The following MTX2 variants were observed in gnomAD, a reference collection of about 807,000 sequenced individuals.
MTX2 encodes the protein metaxin-2.
In MTX2, 35 loss-of-function variants were observed where a neutral mutation model predicts 42.3. The ratio of observed to expected loss-of-function variants is 0.83; its 90% confidence interval spans 0.63 to 1.10. The LOEUF (loss-of-function observed/expected upper bound fraction) is 1.10, where lower values mean the gene tolerates loss of function less well. Among genes scored for constraint, MTX2 ranks in the 50% least tolerant of loss-of-function variants. The pLI is 0.00. For synonymous variants in MTX2, 119 were observed against 100.9 expected, an observed-to-expected ratio of 1.18 and a Z score of -1.08; for missense variants, 307 against 304.1, an observed-to-expected ratio of 1.01 and a Z score of -0.07.
At chr2:176,325,171 G>T (rs1400657085) in intron 4 of MTX2, among the ~76,000 whole-genome samples, 2 of 151,716 alleles carry the variant, frequency 1.3e-5, no homozygotes, top group African/African-American at 4.8e-5. Context: ...TGCATTCTTT[G>T]AATCTGCCAA....
chr2:176,304,757 G>A (rs532816751), intron 3 of MTX2, among the ~76,000 whole-genome samples: 93 of 152,058 alleles, frequency 6.1e-4, no homozygotes, highest in Non-Finnish European at 1.2e-3. Context: ...GCGAGTAGTC[G>A]TTAGTGAATT....
Position 176,282,126 on chromosome 2 carries a change from G to GTTTTTTTTGTTTTT in MTX2, c.40+12465_40+12466insGTTTTTTTTTTTTT, listed in dbSNP as rs767511650. Among the ~76,000 whole-genome samples, 70 of 26,424 alleles carry GTTTTTTTTGTTTTT rather than the reference G, an allele frequency of 2.6e-3. 6 individuals are homozygous for GTTTTTTTTGTTTTT. Among genetic ancestry groups the GTTTTTTTTGTTTTT allele is most frequent in the African/African-American group, 9.2e-3 (56 of 6,114 alleles). The allele number at this position is 26,424 out of a possible 152,430, so 17.3% of individuals were successfully genotyped here. On this transcript the variant is annotated intron_variant, in intron 1 of 9. Coordinates refer to ENST00000249442, the MANE Select transcript of MTX2 (RefSeq NM_006554.5). ...TGATATTATTTTTAGAGTTACAGTA[G>GTTTTTTTTGTTTTT]TTTTTTTTTTTTTTTTTTTTTTTTT... is the stretch of plus-strand genomic sequence containing the variant.
chr2:176,333,850 A>T (rs1575064691), intron 9 of MTX2, among the ~76,000 whole-genome samples: 1 of 151,740 alleles, frequency 6.6e-6, no homozygotes, highest in African/African-American at 2.4e-5. Flanking sequence ...TTTGTAGCCT[A>T]TTAGCAATAG....
intron 5 of MTX2, 80 bp from the exon 6 acceptor site, chr2:176,328,213 C>A: frequency 3.7e-6 from 3 of 806,922 alleles, no homozygotes; most frequent in Non-Finnish European, 5.6e-6. Flanking sequence ...TTGCATGTTA[C>A]GTTATTTGTT....
At chr2:176,289,008 T>C (rs543797128) in intron 1 of MTX2, among the ~76,000 whole-genome samples, 3 of 152,224 alleles carry the variant, frequency 2.0e-5, no homozygotes, top group Admixed American at 1.3e-4. Context: ...AAGAGAATAC[T>C]ACAAGTAATA....
At chr2:176,327,091 CTA>C (rs138606558) in intron 5 of MTX2, among the ~76,000 whole-genome samples, 190 bp downstream of exon 5, 64,131 of 150,646 alleles carry the variant, frequency 0.43, 14,372 homozygotes, top group Admixed American at 0.56. Flanking sequence ...TTTTTTTCCT[CTA>C]TTAATGTCAA....
intron 1 of MTX2, among the ~76,000 whole-genome samples, chr2:176,280,785 T>G (rs1199671387): frequency 6.6e-6 from 1 of 152,174 alleles, no homozygotes; most frequent in African/African-American, 2.4e-5. Flanking sequence ...TGTTATAGAT[T>G]AAAATTTCCA....
chr2:176,283,536 T>G (rs1473640069), intron 1 of MTX2, among the ~76,000 whole-genome samples: 1 of 152,164 alleles, frequency 6.6e-6, no homozygotes, highest in African/African-American at 2.4e-5. Flanking sequence ...AGATTCTCTG[T>G]GGGGGATAAT....
chr2:176,280,180 G>A (rs1369448542), intron 1 of MTX2, among the ~76,000 whole-genome samples: 6 of 152,092 alleles, frequency 3.9e-5, no homozygotes, highest in African/African-American at 1.4e-4. Flanking sequence ...AGGGTGATGT[G>A]GTCAGCAAAT....
intron 1 of MTX2, among the ~76,000 whole-genome samples, chr2:176,280,199 T>C (rs1344296074): frequency 6.6e-6 from 1 of 152,224 alleles, no homozygotes; most frequent in Middle Eastern, 3.4e-3. Flanking sequence ...ATTGGAGATA[T>C]AGTGAGATTT....
rs1558919604 is a variant in MTX2, at chr2:176,269,591, TG to T, written c.-33del. 16 of 1,560,224 alleles carry T rather than the reference TG, an allele frequency of 1.0e-5. No individual in the cohort carries two copies. Among genetic ancestry groups the T allele is most frequent in the East Asian group, 2.4e-5 (1 of 42,308 alleles). On this transcript the variant is annotated 5_prime_UTR_variant, in exon 1 of 10. Transcript: ENST00000249442. Reference sequence around the variant, plus strand: ...TTGCGGTGGAGGACGCTGAGGCCCGTGGGGGGCAGGCACCCGGGCGCCGGGC... The same window carrying T: ...TTGCGGTGGAGGACGCTGAGGCCCGTGGGGGCAGGCACCCGGGCGCCGGGC...
chr2:176,274,937 C>T (rs986789655), intron 1 of MTX2, among the ~76,000 whole-genome samples: 4 of 152,166 alleles, frequency 2.6e-5, no homozygotes, highest in African/African-American at 7.2e-5. Flanking sequence ...CTTCCCAACA[C>T]CTGGCGGAGA....
intron 2 of MTX2, 122 bp downstream of exon 2, chr2:176,297,029 A>G (rs774892840): frequency 3.8e-5 from 42 of 1,106,688 alleles, no homozygotes; most frequent in Non-Finnish European, 5.1e-5. Flanking sequence ...TCCCTTGTAT[A>G]ATTTGTCTAG....
intron 3 of MTX2, among the ~76,000 whole-genome samples, chr2:176,320,159 G>C (rs1295689111): frequency 6.6e-6 from 1 of 152,026 alleles, no homozygotes; most frequent in Non-Finnish European, 1.5e-5. Flanking sequence ...ATGGGACTAA[G>C]AAGCATGGGT....
At chr2:176,306,668 G>T (rs1684153967) in intron 3 of MTX2, among the ~76,000 whole-genome samples, 2 of 152,182 alleles carry the variant, frequency 1.3e-5, no homozygotes, top group Non-Finnish European at 2.9e-5. Context: ...CAGTGATGAT[G>T]AGTATTTTTT....
chr2:176,298,102 AAAAT>A (rs546316579), intron 3 of MTX2, among the ~76,000 whole-genome samples: 5 of 150,516 alleles, frequency 3.3e-5, no homozygotes, highest in African/African-American at 1.2e-4. Context: ...GTCAGTATAT[AAAAT>A]AAACATAAAT....
At chr2:176,327,579 T>A (rs919070838) in intron 5 of MTX2, among the ~76,000 whole-genome samples, 5 of 149,352 alleles carry the variant, frequency 3.3e-5, no homozygotes, top group African/African-American at 1.2e-4. Context: ...ATATATTATT[T>A]TTTTTTTCTT....
At chr2:176,306,162 T>C (rs1684139233) in intron 3 of MTX2, among the ~76,000 whole-genome samples, 1 of 151,362 alleles carries the variant, frequency 6.6e-6, no homozygotes, top group African/African-American at 2.4e-5. Context: ...AGAACATGTG[T>C]TTGGTTTTCT....
rs529908418 is a variant in MTX2, at chr2:176,313,373, T to G, written c.136-10019T>G. Reference sequence around the variant, plus strand: ...GATCTTCTGCTCATTAACTTCTTATTGTTCTACACTGATTCTTTTTTTTTT... The same window carrying G: ...GATCTTCTGCTCATTAACTTCTTATGGTTCTACACTGATTCTTTTTTTTTT... On this transcript the variant is annotated intron_variant, in intron 3 of 9. Transcript: ENST00000249442. 2.0e-3 allele frequency among the ~76,000 whole-genome samples: 309 copies of G among 151,036 alleles called. 2 individuals carry two copies. The highest frequency in any genetic ancestry group is 7.3e-3 in the African/African-American group (300 of 41,020).
Sources: gnomAD v4.1 joint callset for allele counts (sites outside exome capture counted in the v4.1 genomes callset) on GRCh38, gnomAD v4.1.1 for gene constraint, MANE v1.5 for transcripts, NCBI Gene and HGNC (gene_info 2026-07-23, HGNC 2026-07-21) for gene names.